Variants in NID2 observed in about 807,000 individuals in gnomAD.
The protein encoded by NID2 is nidogen 2.
Under a neutral mutation model 145.4 loss-of-function variants are expected in NID2, and 83 were observed. The ratio of observed to expected loss-of-function variants is 0.57; its 90% CI spans 0.48 to 0.69. The LOEUF is 0.69. Among genes scored for constraint, NID2 ranks in the 30% least tolerant of loss-of-function variants. The pLI, the probability that NID2 is intolerant of heterozygous loss-of-function variation, is 0.00. For synonymous variants in NID2, 739 were observed against 701.3 expected (o/e 1.05, Z -0.85); for missense variants, 1,807 against 1,765.7 (o/e 1.02, Z -0.42).
chr14:52,008,707 G>A (rs1890889757), intron 18 of NID2: 2 of 152,132 alleles, frequency 1.3e-5, no homozygotes, highest in African/African-American at 4.8e-5. Context: ...ATTGGATCTT[G>A]GGTTTTAGAA....
At chr14:52,064,976 C>T (rs1481618105) in intron 2 of NID2, among the ~76,000 whole-genome samples, 4 of 152,194 alleles carry the variant, frequency 2.6e-5, no homozygotes, top group Non-Finnish European at 5.9e-5. Context: ...TCCTCTATGT[C>T]TCCCATCAAT....
Position 52,028,805 on chromosome 14 carries a change from G to A in NID2, c.2447C>T (p.Ser816Phe). ...GCTTCCAGGCAAGTTGATACATACA[G>A]AGTTGGGGCCACAGCGATGAAAGCC... ...ATGFHRCGPN[S>F]VCINLPGSYR... The change falls in exon 11 of 22, where the codon TCT becomes TTT. Residue 816 changes from serine to phenylalanine, a missense_variant. Ser to Phe is a radical substitution (Grantham distance 155). Transcript: ENST00000216286. The A allele has an allele frequency of 6.2e-7, 1 of 1,614,106 alleles. No individual in the cohort carries two copies. The highest frequency in any genetic ancestry group is 2.2e-5 in the East Asian group (1 of 44,870).
In NID2 at chr14:52,027,355, A is replaced by G. The variant is rs762603511; in HGVS notation, c.2531-11T>C. ...CAGGTGGGGTGATCACTGAAAAGAG[A>G]AGAAGATAAGGGCATCCAGAGTTTA... On this transcript the variant is annotated splice_polypyrimidine_tract_variant and intron_variant, in intron 11 of 21. Transcript: ENST00000216286. 1 of 1,526,114 alleles carries G rather than the reference A, an allele frequency of 6.6e-7. No individual in the cohort carries two copies. The highest frequency in any genetic ancestry group is 8.8e-7 in the Non-Finnish European group (1 of 1,139,170). The allele number at this position is 1,526,114 out of a possible 1,614,324, so 94.5% of individuals were successfully genotyped here. A position where few individuals can be genotyped will look rare whatever the true frequency, so the allele number is the denominator to read the frequency against.
At chr14:52,027,072 T>C (rs999976014) in intron 12 of NID2, 129 bp downstream of exon 12, 2 of 960,342 alleles carry the variant, frequency 2.1e-6, no homozygotes, top group Admixed American at 8.3e-5. Flanking sequence ...TTTTTCTCAC[T>C]ATTTTGGCAG....
intron 6 of NID2, among the ~76,000 whole-genome samples, 167 bp from the exon 7 acceptor site, chr14:52,042,517 G>C (rs111889770): frequency 2.6e-5 from 3 of 115,278 alleles, no homozygotes; most frequent in Admixed American, 9.3e-5. Flanking sequence ...CCTGCCTCCA[G>C]TCTGTTTTCT....
intron 2 of NID2, among the ~76,000 whole-genome samples, chr14:52,061,900 G>A (rs945542682): frequency 8.5e-5 from 13 of 152,206 alleles, no homozygotes; most frequent in Admixed American, 2.0e-4. Context: ...AAGGAACTGG[G>A]AAGGTATTTT....
At chr14:52,014,501 G>C (rs554453791) in intron 15 of NID2, 45 bp from the exon 16 acceptor site, 1 of 1,554,706 alleles carries the variant, frequency 6.4e-7, no homozygotes, top group Non-Finnish European at 8.7e-7. Context: ...ACAAGGGCAG[G>C]CAGGGAGATG....
intron 12 of NID2, among the ~76,000 whole-genome samples, chr14:52,023,366 G>T (rs1891468965): frequency 6.6e-6 from 1 of 151,770 alleles, no homozygotes. Flanking sequence ...GAGATGTGAG[G>T]ATCACTTGAG....
At chr14:52,025,603 G>C (rs1229976090) in intron 12 of NID2, among the ~76,000 whole-genome samples, 1 of 152,214 alleles carries the variant, frequency 6.6e-6, no homozygotes, top group Non-Finnish European at 1.5e-5. Context: ...TTGAAATCTG[G>C]TGATGGCCTT....
chr14:52,014,788 G>T (rs1891157979), intron 15 of NID2, among the ~76,000 whole-genome samples: 1 of 151,878 alleles, frequency 6.6e-6, no homozygotes, highest in Admixed American at 6.5e-5. Flanking sequence ...CGTGTCCCCT[G>T]TCACCCTGGG....
intron 9 of NID2, among the ~76,000 whole-genome samples, chr14:52,037,311 T>C (rs1833575297): frequency 6.6e-6 from 1 of 152,314 alleles, no homozygotes; most frequent in South Asian, 2.1e-4. Flanking sequence ...ATTATTATTA[T>C]ACTTTAAGTT....
chr14:52,005,788 GTTCTGGGAGATAC>G lies in NID2; in HGVS notation c.4053_4065del (p.Glu1351AspfsTer9), dbSNP rs1890752991. On this transcript the variant is annotated frameshift_variant, in exon 21 of 22. Transcript: ENST00000216286. LOFTEE classifies it high-confidence loss of function. ...GTTATCCCGTAGAGGTGAGATCGTTGTTCTGGGAGATACTCATCAGTAAACTGGCCACTATGTT... is the reference window on the plus strand; with the variant it reads ...GTTATCCCGTAGAGGTGAGATCGTTGTCATCAGTAAACTGGCCACTATGTT... 1 of 1,613,800 alleles carries G rather than the reference GTTCTGGGAGATAC, an allele frequency of 6.2e-7. No individual in the cohort carries two copies. Among genetic ancestry groups the G allele is most frequent in the Non-Finnish European group, 8.5e-7 (1 of 1,179,830 alleles).
chr14:52,023,349 G>A (rs535525280), intron 12 of NID2, among the ~76,000 whole-genome samples: 1 of 151,992 alleles, frequency 6.6e-6, no homozygotes, highest in African/African-American at 2.4e-5. Flanking sequence ...TGCTACTTGG[G>A]GGGGCTGAGA....
Position 52,067,980 on chromosome 14 carries a change from G to A in NID2, c.412C>T (p.Arg138Cys), listed in dbSNP as rs767357376. 1.9e-6 allele frequency: 3 copies of A among 1,611,034 alleles called. No homozygotes were observed. Among genetic ancestry groups the A allele is most frequent in the African/African-American group, 1.3e-5 (1 of 74,704 alleles). Residue 138 changes from arginine to cysteine, a missense_variant, in exon 2 of 22, where the codon CGC (arginine) becomes TGC (cysteine). Transcript: ENST00000216286. ...TSPAVLGLAA[R>C]YVRAGFPRSA... ...CGCGGGAAGCCAGCGCGCACATAGC[G>A]GGCGGCCAGGCCCAGCACTGCGGGG...
At chr14:52,030,898 T>G (rs34995294) in intron 9 of NID2, among the ~76,000 whole-genome samples, 10,385 of 152,232 alleles carry the variant, frequency 0.068, 396 homozygotes, top group Middle Eastern at 0.13. Flanking sequence ...TCATTGAGCA[T>G]TTATGTGTGA....
chr14:52,037,031 G>A (rs181925172), intron 9 of NID2, among the ~76,000 whole-genome samples: 8 of 152,134 alleles, frequency 5.3e-5, no homozygotes, highest in East Asian at 1.9e-4. Flanking sequence ...TTTTAGTGTC[G>A]TACCTAAGAA....
intron 5 of NID2, among the ~76,000 whole-genome samples, chr14:52,051,875 A>C (rs1428656768): frequency 6.6e-6 from 1 of 152,156 alleles, no homozygotes; most frequent in African/African-American, 2.4e-5. Flanking sequence ...CATGCCCCAC[A>C]AGGGTTATAG....
chr14:52,043,508 G>A (rs1258421001), intron 5 of NID2, among the ~76,000 whole-genome samples: 1 of 152,086 alleles, frequency 6.6e-6, no homozygotes, highest in Non-Finnish European at 1.5e-5. Flanking sequence ...AAAACAACAG[G>A]GATTCAAGCT....
chr14:52,022,674 T>C (rs1341652856), intron 12 of NID2, among the ~76,000 whole-genome samples: 1 of 152,210 alleles, frequency 6.6e-6, no homozygotes, highest in East Asian at 1.9e-4. Context: ...TCCTACACTC[T>C]ATTAAGCTAG....
Sources: gnomAD v4.1 joint callset for allele counts (sites outside exome capture counted in the v4.1 genomes callset) on GRCh38, gnomAD v4.1.1 for gene constraint, MANE v1.5 for transcripts, NCBI Gene and HGNC (gene_info 2026-07-23, HGNC 2026-07-21) for gene names.